Variants in WDR25 observed in about 807,000 individuals in gnomAD.
WDR25 encodes WD repeat domain 25, also known as WD repeat-containing protein 25.
A neutral mutation model predicts 47.7 loss-of-function variants in WDR25; 35 were observed. The ratio of observed to expected loss-of-function variants is 0.73; its 90% CI spans 0.56 to 0.97. The LOEUF (loss-of-function observed/expected upper bound fraction) is 0.97, where lower values mean the gene tolerates loss of function less well. WDR25 is among the 50% of genes least tolerant of loss of function. The probability of loss-of-function intolerance (pLI) is 0.00; values close to 1 mark genes in which losing one functional copy is unlikely to be tolerated. For missense variants in WDR25, 634 were observed against 704.7 expected, an observed-to-expected ratio of 0.90 and a Z score of 1.14; for synonymous variants, 248 against 278.9, an observed-to-expected ratio of 0.89 and a Z score of 1.10.
chr14:100,485,130 C>T (rs1277902328), intron 4 of WDR25, among the ~76,000 whole-genome samples: 1 of 152,174 alleles, frequency 6.6e-6, no homozygotes, highest in Non-Finnish European at 1.5e-5. Context: ...TTTGCACCTG[C>T]TGCTCCCTCT....
chr14:100,516,156 A>AG (rs1197125345), intron 4 of WDR25, among the ~76,000 whole-genome samples: 1 of 152,070 alleles, frequency 6.6e-6, no homozygotes, highest in East Asian at 1.9e-4. Flanking sequence ...ATTGCTTGAT[A>AG]ACGGTTTGAT....
intron 4 of WDR25, among the ~76,000 whole-genome samples, chr14:100,486,458 C>T (rs1473697610): frequency 6.6e-6 from 1 of 152,220 alleles, no homozygotes; most frequent in Non-Finnish European, 1.5e-5. Context: ...TTTGTTTTTA[C>T]TTCCTTTCTA....
intron 2 of WDR25, among the ~76,000 whole-genome samples, chr14:100,398,771 G>C (rs1033432085): frequency 2.0e-5 from 3 of 148,782 alleles, no homozygotes; most frequent in Non-Finnish European, 1.5e-5. Context: ...TTGTTTTTTT[G>C]GGGGGTGGAC....
chr14:100,514,517 G>C (rs1325488600), intron 4 of WDR25, among the ~76,000 whole-genome samples: 1 of 150,690 alleles, frequency 6.6e-6, no homozygotes, highest in African/African-American at 2.4e-5. Context: ...CTTTTTTGTT[G>C]CTTTATCATC....
At position 100,441,406 on chromosome 14, in the gene WDR25, G is replaced by A. The variant is rs141750911; in HGVS notation, c.823-26615G>A. Among the ~76,000 whole-genome samples, 115 of 152,292 alleles carry A rather than the reference G, an allele frequency of 7.6e-4. 4 individuals carry two copies. The East Asian group carries it at 0.021, about 28-fold the overall frequency. ...GGGGTGGGGCAGGGAAGGCAGTGCAGGGGGTGGTTTGCGTCTTACAGGAAG... is the reference window on the plus strand; with the variant it reads ...GGGGTGGGGCAGGGAAGGCAGTGCAAGGGGTGGTTTGCGTCTTACAGGAAG... On this transcript the variant is annotated intron_variant, in intron 2 of 6. Transcript: ENST00000402312.
chr14:100,490,725 T>C (rs778745458), intron 4 of WDR25, among the ~76,000 whole-genome samples: 3 of 152,212 alleles, frequency 2.0e-5, no homozygotes, highest in Non-Finnish European at 4.4e-5. Context: ...GGTGAGACTG[T>C]CTTTGAGATT....
intron 2 of WDR25, among the ~76,000 whole-genome samples, chr14:100,441,031 G>A (rs138852479): frequency 6.6e-6 from 1 of 152,344 alleles, no homozygotes; most frequent in East Asian, 1.9e-4. Context: ...TAAACAGCCT[G>A]TGTTTTCTTC....
At chr14:100,510,764 T>C (rs1901284334) in intron 4 of WDR25, among the ~76,000 whole-genome samples, 1 of 149,656 alleles carries the variant, frequency 6.7e-6, no homozygotes, top group Non-Finnish European at 1.5e-5. Flanking sequence ...ATAATAATAA[T>C]GTAAATTTTT....
In WDR25 at chr14:100,500,267, G is replaced by A. The variant is rs1900873880; in HGVS notation, c.1101+16143G>A. 1.3e-5 allele frequency among the ~76,000 whole-genome samples: 2 copies of A among 152,146 alleles called. No individual in the cohort carries two copies. Among genetic ancestry groups the A allele is most frequent in the African/African-American group, 2.4e-5 (1 of 41,426 alleles). On this transcript the variant is annotated intron_variant, in intron 4 of 6. Transcript: ENST00000402312. The surrounding 1 kb of genome is among the most constrained non-coding windows in gnomAD (Gnocchi z 4.7). ...CTCACTCTTACTTCTCTCCTGCTGC[G>A]GTTCTGGGTGGTTCAGGACCTGCGG...
At chr14:100,408,199 G>A (rs898694002) in intron 2 of WDR25, among the ~76,000 whole-genome samples, 1 of 152,070 alleles carries the variant, frequency 6.6e-6, no homozygotes, top group Non-Finnish European at 1.5e-5. Context: ...AGACCTCATC[G>A]GACGTTCCTG....
intron 2 of WDR25, among the ~76,000 whole-genome samples, chr14:100,461,918 G>T (rs1425502708): frequency 2.0e-5 from 3 of 150,508 alleles, no homozygotes; most frequent in Non-Finnish European, 4.4e-5. Flanking sequence ...TTTTTTGTTT[G>T]TTTTGTTTGT....
chr14:100,466,698 G>A (rs1899640324), intron 2 of WDR25, among the ~76,000 whole-genome samples: 1 of 152,240 alleles, frequency 6.6e-6, no homozygotes, highest in South Asian at 2.1e-4. Context: ...CGTATCAGGT[G>A]GGAGGCACTC....
intron 2 of WDR25, among the ~76,000 whole-genome samples, chr14:100,395,604 T>C (rs1159904127): frequency 2.0e-5 from 3 of 152,212 alleles, no homozygotes; most frequent in Non-Finnish European, 4.4e-5. Context: ...AAAAGTGTAG[T>C]CGTGTAACTG....
chr14:100,486,652 C>T (rs1034408881), intron 4 of WDR25, among the ~76,000 whole-genome samples: 4 of 152,212 alleles, frequency 2.6e-5, no homozygotes, highest in Non-Finnish European at 5.9e-5. Flanking sequence ...CTGCTCACTT[C>T]TTATCCCTGT....
chr14:100,427,851 C>T (rs1898214228), intron 2 of WDR25, among the ~76,000 whole-genome samples: 1 of 152,230 alleles, frequency 6.6e-6, no homozygotes, highest in African/African-American at 2.4e-5. Flanking sequence ...GCCCTGGCCT[C>T]CTGGCTCTCA....
At chr14:100,379,116 C>G (rs992489552) in intron 1 of WDR25, among the ~76,000 whole-genome samples, 5 of 152,118 alleles carry the variant, frequency 3.3e-5, no homozygotes, top group Admixed American at 6.5e-5. Context: ...TATTTTCAGA[C>G]CTACCCTCGT....
At chr14:100,380,217 T>G (rs1566879518) in intron 1 of WDR25, among the ~76,000 whole-genome samples, 1 of 151,848 alleles carries the variant, frequency 6.6e-6, no homozygotes, top group East Asian at 1.9e-4. Flanking sequence ...CTGGCTAATT[T>G]TTGTATTTTT....
chr14:100,480,315 C>T (rs1309517909), intron 3 of WDR25, among the ~76,000 whole-genome samples: 2 of 152,226 alleles, frequency 1.3e-5, no homozygotes, highest in Non-Finnish European at 2.9e-5. Flanking sequence ...ATGAAAATCT[C>T]TTGTGCTATC....
intron 4 of WDR25, among the ~76,000 whole-genome samples, chr14:100,507,610 ATCT>A (rs1901155625): frequency 6.8e-6 from 1 of 146,814 alleles, no homozygotes; most frequent in Admixed American, 6.8e-5. Context: ...CCTTGTAGAG[ATCT>A]TTCACCTTCT....
Sources: allele counts gnomAD v4.1 joint callset (sites outside exome capture counted in the v4.1 genomes callset), GRCh38; gene constraint gnomAD v4.1.1; non-coding constraint Gnocchi (gnomAD v3.1); transcripts MANE v1.5; gene names NCBI Gene and HGNC (gene_info 2026-07-23, HGNC 2026-07-21).